The following ACAN variants were observed in gnomAD, a reference collection of about 807,000 sequenced individuals.
The protein encoded by ACAN is aggrecan core protein.
A neutral mutation model predicts 169.1 loss-of-function variants in ACAN; 47 were observed. That is an observed-to-expected ratio of 0.28 (90% CI 0.22 to 0.35). ACAN has a LOEUF of 0.35. Among genes scored for constraint, ACAN ranks in the 10% least tolerant of loss-of-function variants. The pLI is 1.00. For synonymous variants in ACAN, 1,115 were observed against 1,112.2 expected (o/e 1.00, Z -0.05); for missense variants, 2,716 against 2,759.9 (o/e 0.98, Z 0.36).
Position 88,849,325 on chromosome 15 carries a change from G to A in ACAN, c.1733-113G>A, listed in dbSNP as rs1001839577. 1.0e-5 allele frequency: 11 copies of A among 1,095,634 alleles called. No homozygotes were observed. Among genetic ancestry groups the A allele is most frequent in the Non-Finnish European group, 1.3e-5 (10 of 791,798 alleles). 67.9% of individuals were successfully genotyped at this position (1,095,634 alleles called of 1,614,324 possible). Reference sequence around the variant, plus strand: ...GTCAAAAAAGGGGTGATGGAGCTGGGCTGGGTCTTAGCCCTGGTGAGGAGG... The same window carrying A: ...GTCAAAAAAGGGGTGATGGAGCTGGACTGGGTCTTAGCCCTGGTGAGGAGG... On this transcript the variant is annotated intron_variant, in intron 9 of 18. Coordinates refer to ENST00000560601, the MANE Select transcript of ACAN (RefSeq NM_001369268.1). The surrounding 1 kb of genome is among the most constrained non-coding windows in gnomAD (Gnocchi z 5.1).
Position 88,874,673 on chromosome 15 carries a change from T to C in ACAN, c.*192T>C. The C allele has an allele frequency of 1.5e-6, 1 of 683,280 alleles. No homozygotes were observed. The highest frequency in any genetic ancestry group is 2.8e-5 in the East Asian group (1 of 35,794). 42.3% of individuals were successfully genotyped at this position (683,280 alleles called of 1,614,324 possible). ...TCCAAATCAGCAAAACCGCATCTAA[T>C]TTGTCCGCCGAATGCCAAAGCAAAG... On this transcript the variant is annotated 3_prime_UTR_variant, in exon 19 of 19. Transcript: ENST00000560601. This position sits in a 1 kb window ranked among gnomAD's most constrained non-coding sequence, Gnocchi z 7.3.
chr15:88,804,689 G>T (rs139261931), intron 1 of ACAN, among the ~76,000 whole-genome samples: 5 of 152,298 alleles, frequency 3.3e-5, no homozygotes, highest in African/African-American at 9.6e-5. Flanking sequence ...AGCTGCGGGG[G>T]TGGGGGCTTG....
chr15:88,873,662 T>C lies in ACAN; in HGVS notation c.7448-180T>C. On this transcript the variant is annotated intron_variant, in intron 17 of 18. Transcript: ENST00000560601. The surrounding 1 kb of genome is among the most constrained non-coding windows in gnomAD (Gnocchi z 7.5). ...TGTATTCCCTTCCTGCTGTTCTAAA[T>C]TGTTGAGGAACCCAGATGTTACAGC... 1 of 626,350 alleles carries C rather than the reference T, an allele frequency of 1.6e-6. No homozygotes were observed. The highest frequency in any genetic ancestry group is 2.8e-6 in the Non-Finnish European group (1 of 362,440). The allele number at this position is 626,350 out of a possible 1,614,324, so 38.8% of individuals were successfully genotyped here.
Position 88,837,888 on chromosome 15 carries a change from T to A in ACAN, c.71-775T>A, listed in dbSNP as rs79805240. Among the ~76,000 whole-genome samples the A allele has an allele frequency of 7.6e-3, 1,017 of 134,628 alleles. 13 individuals are homozygous for A. The highest frequency in any genetic ancestry group is 0.035 in the African/African-American group (964 of 27,872). The allele number at this position is 134,628 out of a possible 152,430, so 88.3% of individuals were successfully genotyped here. On this transcript the variant is annotated intron_variant, in intron 2 of 18. Coordinates refer to ENST00000560601, the MANE Select transcript of ACAN (RefSeq NM_001369268.1). Reference sequence around the variant, plus strand: ...TGTATGAGTCTCCATGAAAGGTGCTTTTTTTTTTTTTTTGGAAAGCTGTTT... The same window carrying A: ...TGTATGAGTCTCCATGAAAGGTGCTATTTTTTTTTTTTTGGAAAGCTGTTT...
chr15:88,868,198 G>C lies in ACAN; in HGVS notation c.6947-18G>C, dbSNP rs1327345131. 1 of 701,374 alleles carries C rather than the reference G, an allele frequency of 1.4e-6. No homozygotes were observed. Among genetic ancestry groups the C allele is most frequent in the Admixed American group, 2.0e-5 (1 of 49,882 alleles). 43.4% of individuals were successfully genotyped at this position (701,374 alleles called of 1,614,324 possible). A position where few individuals can be genotyped will look rare whatever the true frequency, so the allele number is the denominator to read the frequency against. On this transcript the variant is annotated intron_variant, in intron 13 of 18. Coordinates refer to ENST00000560601, the MANE Select transcript of ACAN (RefSeq NM_001369268.1). This position sits in a 1 kb window ranked among gnomAD's most constrained non-coding sequence, Gnocchi z 5.2. ...GTTGCCGGCAGGAGTCCTAATGGTG[G>C]CCCTTGGTTTCTTGCAGACATTGAT...
Position 88,857,062 on chromosome 15 carries a change from G to A in ACAN, c.4477G>A (p.Gly1493Arg), listed in dbSNP as rs2141606919. ...AGAGGACATCAGTGGGCTTCCTTCT[G>A]GAGAGGTTGTAGAGACTTCTGCCTC... is the stretch of plus-strand genomic sequence containing the variant. The part of the protein sequence containing the change: ...GVEDISGLPS[G>R]EVVETSASGI... Residue 1493 changes from glycine (G) to arginine (R), a missense_variant, in exon 12 of 19, where the codon GGA becomes AGA. Transcript: ENST00000560601. 1.2e-6 allele frequency: 2 copies of A among 1,612,488 alleles called. No homozygotes were observed. The highest frequency in any genetic ancestry group is 2.2e-5 in the South Asian group (2 of 90,898).
chr15:88,824,439 C>G (rs1896158382), intron 1 of ACAN, among the ~76,000 whole-genome samples: 1 of 152,174 alleles, frequency 6.6e-6, no homozygotes, highest in Non-Finnish European at 1.5e-5. Flanking sequence ...ACTTGTTGAG[C>G]ACCTACTATG....
intron 6 of ACAN, among the ~76,000 whole-genome samples, chr15:88,844,793 A>G (rs938000529): frequency 6.6e-6 from 1 of 152,244 alleles, no homozygotes. Flanking sequence ...TATAATTATA[A>G]TTACATGCTA....
At chr15:88,824,147 AC>A (rs1177667876) in intron 1 of ACAN, among the ~76,000 whole-genome samples, 2 of 151,990 alleles carry the variant, frequency 1.3e-5, no homozygotes, top group African/African-American at 4.8e-5. Flanking sequence ...ACACAGTGAA[AC>A]CCCGTCTCTA....
chr15:88,838,762 T>A lies in ACAN; in HGVS notation c.170T>A (p.Met57Lys). ...LTIPCYFIDPMHPVTTAPSTA... is the reference protein window; with the variant it reads ...LTIPCYFIDPKHPVTTAPSTA... ...ATCCCCTGCTATTTCATCGACCCCA[T>A]GCACCCTGTGACCACCGCCCCTTCT... Residue 57 changes from methionine (M) to lysine (K), a missense_variant, in exon 3 of 19, where the codon ATG becomes AAG. By Grantham distance (95) the Met-to-Lys change is moderately conservative. This residue lies in a region of ACAN where 1,283 missense variants were observed against 1,281.5 expected (regional missense o/e 1.00). Transcript: ENST00000560601. This position sits in a 1 kb window ranked among gnomAD's most constrained non-coding sequence, Gnocchi z 5.1. The A allele has an allele frequency of 1.9e-6, 3 of 1,613,876 alleles. No individual in the cohort carries two copies. Among genetic ancestry groups the A allele is most frequent in the Non-Finnish European group, 2.5e-6 (3 of 1,179,834 alleles).
intron 13 of ACAN, among the ~76,000 whole-genome samples, chr15:88,867,990 A>G (rs1183022955): frequency 6.6e-6 from 1 of 152,198 alleles, no homozygotes; most frequent in Non-Finnish European, 1.5e-5. Context: ...AAGTTTACCA[A>G]TCAAGAATCA....
intron 1 of ACAN, among the ~76,000 whole-genome samples, chr15:88,806,042 G>A (rs930723631): frequency 6.6e-6 from 1 of 152,236 alleles, no homozygotes; most frequent in African/African-American, 2.4e-5. Flanking sequence ...ATGCAAGGAA[G>A]ACTGGGATTC....
chr15:88,817,615 A>G (rs1398373587), intron 1 of ACAN, among the ~76,000 whole-genome samples: 1 of 152,060 alleles, frequency 6.6e-6, no homozygotes, highest in Non-Finnish European at 1.5e-5. Flanking sequence ...GGACTCTGGG[A>G]AGCCAAAGCA....
At chr15:88,803,988 C>G (rs1301855897) in intron 1 of ACAN, among the ~76,000 whole-genome samples, 179 bp downstream of exon 1, 2 of 152,176 alleles carry the variant, frequency 1.3e-5, no homozygotes, top group African/African-American at 4.8e-5. Context: ...GTTGAGCAAA[C>G]TTTTTGGCTG....
At position 88,868,738 on chromosome 15, in the gene ACAN, G is replaced by A. The variant is rs1368933927; in HGVS notation, c.7060+409G>A. On this transcript the variant is annotated intron_variant, in intron 14 of 18. Transcript: ENST00000560601. The surrounding 1 kb of genome is among the most constrained non-coding windows in gnomAD (Gnocchi z 5.2). ...TGGTCATGGGCATGGGACCTTTGTG[G>A]TTCCTTCATGGCCCTGGGAGCCACT... is the stretch of plus-strand genomic sequence containing the variant. Among the ~76,000 whole-genome samples, 2 of 152,182 alleles carry A rather than the reference G, an allele frequency of 1.3e-5. No homozygotes were observed. Among genetic ancestry groups the A allele is most frequent in the Non-Finnish European group, 1.5e-5 (1 of 68,032 alleles).
rs1170763120 is a variant in ACAN, at chr15:88,845,009, C to G, written c.1052-496C>G. Reference sequence around the variant, plus strand: ...AACCACTCTTTTGGAAGTAGTATCACTCTCATGGTACCCTCATTTTTCCAT... The same window carrying G: ...AACCACTCTTTTGGAAGTAGTATCAGTCTCATGGTACCCTCATTTTTCCAT... On this transcript the variant is annotated intron_variant, in intron 6 of 18. Coordinates refer to ENST00000560601, the MANE Select transcript of ACAN (RefSeq NM_001369268.1). 2.6e-5 allele frequency among the ~76,000 whole-genome samples: 4 copies of G among 152,318 alleles called. No homozygotes were observed. In the East Asian group the frequency reaches 5.8e-4, roughly 22 times the overall value.
In ACAN at chr15:88,854,931, T is replaced by A; in HGVS notation, c.2346T>A (p.Ser782=). The change falls in exon 12 of 19, where the codon TCT becomes TCA. Residue 782 remains serine (S), a synonymous_variant. Transcript: ENST00000560601. The part of the protein sequence containing the change: ...TEGPSATEVP[S]ASEEPSPSEV... ...GCCCTTCTGCAACTGAAGTGCCCTC[T>A]GCCTCAGAGGAACCATCCCCCTCAG... 1 of 1,592,146 alleles carries A rather than the reference T, an allele frequency of 6.3e-7. No individual in the cohort carries two copies. Among genetic ancestry groups the A allele is most frequent in the Non-Finnish European group, 8.5e-7 (1 of 1,170,734 alleles).
Position 88,858,382 on chromosome 15 carries a change from A to G in ACAN, c.5797A>G (p.Thr1933Ala), listed in dbSNP as rs1178236790. The G allele has an allele frequency of 4.3e-6, 7 of 1,613,736 alleles. No individual in the cohort carries two copies. The highest frequency in any genetic ancestry group is 5.9e-6 in the Non-Finnish European group (7 of 1,179,882). The change falls in exon 12 of 19, where the codon ACT becomes GCT. Residue 1933 changes from threonine to alanine, a missense_variant. Thr to Ala is a moderately conservative substitution (Grantham distance 58). Transcript: ENST00000560601. The surrounding 1 kb of genome is among the most constrained non-coding windows in gnomAD (Gnocchi z 4.0). Reference sequence around the variant, plus strand: ...CAGTGGAACTCCATCTAGTTTCCCCACTGTCTCTCTTGTAGACAGAACTTT... The same window carrying G: ...CAGTGGAACTCCATCTAGTTTCCCCGCTGTCTCTCTTGTAGACAGAACTTT... ...YGSGTPSSFPTVSLVDRTLVE... is the reference protein window; with the variant it reads ...YGSGTPSSFPAVSLVDRTLVE...
intron 11 of ACAN, among the ~76,000 whole-genome samples, chr15:88,854,388 G>A (rs904469780): frequency 6.6e-6 from 1 of 152,194 alleles, no homozygotes; most frequent in Non-Finnish European, 1.5e-5. Flanking sequence ...CTCCCAGAGG[G>A]TGCTCTTGCT....
Sources: allele counts gnomAD v4.1 joint callset (sites outside exome capture counted in the v4.1 genomes callset), GRCh38; gene constraint gnomAD v4.1.1; regional missense constraint gnomAD v4.1.1; non-coding constraint Gnocchi (gnomAD v3.1); transcripts MANE v1.5; gene names NCBI Gene and HGNC (gene_info 2026-07-23, HGNC 2026-07-21).